The following RTL4 variants were observed in gnomAD, a reference collection of about 807,000 sequenced individuals.
RTL4 encodes retrotransposon Gag-like protein 4.
Under a neutral mutation model 5.3 loss-of-function variants are expected in RTL4, and 4 were observed. The observed-to-expected ratio is 0.75, with a 90% CI of 0.37 to 1.72. The LOEUF is 1.72. RTL4 is among the 40% of genes most tolerant of loss of function. The probability of loss-of-function intolerance (pLI) is 0.04; values close to 1 mark genes in which losing one functional copy is unlikely to be tolerated. For synonymous variants in RTL4, 98 were observed against 87.3 expected, an observed-to-expected ratio of 1.12 and a Z score of -0.68; for missense variants, 260 against 227.1, an observed-to-expected ratio of 1.14 and a Z score of -0.93.
chrX:112,356,645 T>C, the RTL4 span, among the ~76,000 whole-genome samples: 2 of 110,372 alleles, frequency 1.8e-5, no homozygotes, highest in African/African-American at 6.6e-5. Flanking sequence ...TTTTCTAGTC[T>C]ACTGTTTTCT....
At chrX:112,375,508 C>T in the RTL4 span, among the ~76,000 whole-genome samples, 1 of 111,524 alleles carries the variant, frequency 9.0e-6, no homozygotes, top group African/African-American at 3.3e-5. Context: ...TCATTCACTA[C>T]ATTCTCACTT....
At chrX:112,260,165 T>C in the RTL4 span, among the ~76,000 whole-genome samples, 1 of 111,847 alleles carries the variant, frequency 8.9e-6, no homozygotes, top group Non-Finnish European at 1.9e-5. Context: ...ACAATTTATC[T>C]AGGGCTGGTG....
the RTL4 span, among the ~76,000 whole-genome samples, chrX:112,377,185 A>T: frequency 1.8e-5 from 2 of 111,806 alleles, no homozygotes; most frequent in Admixed American, 1.9e-4. Context: ...ACAATGCCCA[A>T]TAGAGGTTCT....
At chrX:112,199,140 T>A in the RTL4 span, among the ~76,000 whole-genome samples, 1 of 109,408 alleles carries the variant, frequency 9.1e-6, no homozygotes, top group African/African-American at 3.3e-5. Context: ...ATAGAAAAAA[T>A]TAGCCAGACG....
At chrX:112,390,435 C>T in the RTL4 span, among the ~76,000 whole-genome samples, 2 of 105,184 alleles carry the variant, frequency 1.9e-5, no homozygotes, top group African/African-American at 3.5e-5. Context: ...CTGGGTGACA[C>T]GGTGAGACTC....
At chrX:112,332,009 G>C in the RTL4 span, among the ~76,000 whole-genome samples, 1 of 106,041 alleles carries the variant, frequency 9.4e-6, no homozygotes, top group Non-Finnish European at 1.9e-5. Context: ...GGTCTGTTGT[G>C]GGGTGGGGGG....
chrX:112,161,836 C>CTTTCTTT, the RTL4 span, among the ~76,000 whole-genome samples: 2,219 of 34,172 alleles, frequency 0.065, 139 homozygotes, highest in Non-Finnish European at 0.083. Context: ...TTCCTTCCTT[C>CTTTCTTT]CTTCCTTCCT....
At chrX:112,122,042 G>T in the RTL4 span, among the ~76,000 whole-genome samples, 1 of 111,263 alleles carries the variant, frequency 9.0e-6, no homozygotes, top group African/African-American at 3.3e-5. Flanking sequence ...AAATGCATCC[G>T]TTTGAGACAG....
the RTL4 span, among the ~76,000 whole-genome samples, chrX:112,273,456 G>T: frequency 3.9e-4 from 43 of 110,934 alleles, no homozygotes; most frequent in Non-Finnish European, 7.0e-4. Context: ...GTTTCACCTT[G>T]TTAGCCAGGA....
chrX:112,152,628 G>A, the RTL4 span, among the ~76,000 whole-genome samples: 24 of 112,016 alleles, frequency 2.1e-4, no homozygotes, highest in African/African-American at 7.8e-4. Flanking sequence ...AACACAGCTA[G>A]GTAGTAGTCC....
the RTL4 span, among the ~76,000 whole-genome samples, chrX:112,269,017 G>T: frequency 8.9e-6 from 1 of 111,855 alleles, no homozygotes; most frequent in Non-Finnish European, 1.9e-5. Flanking sequence ...GACATTTCTT[G>T]TCTCTGCACC....
the RTL4 span, among the ~76,000 whole-genome samples, chrX:112,410,293 T>A: frequency 9.0e-6 from 1 of 111,698 alleles, no homozygotes; most frequent in Non-Finnish European, 1.9e-5. Flanking sequence ...TCTGTGGAAT[T>A]CAACAACCCA....
At chrX:112,399,914 A>C in the RTL4 span, among the ~76,000 whole-genome samples, 1 of 111,573 alleles carries the variant, frequency 9.0e-6, no homozygotes, top group Admixed American at 9.5e-5. Flanking sequence ...TCATTTTATA[A>C]TATTAAAAAG....
At chrX:112,234,045 A>C in the RTL4 span, among the ~76,000 whole-genome samples, 1 of 109,852 alleles carries the variant, frequency 9.1e-6, no homozygotes, top group African/African-American at 3.3e-5. Context: ...ACAAAAAATT[A>C]GCCGGGCATG....
chrX:112,134,701 A>G, the RTL4 span, among the ~76,000 whole-genome samples: 1 of 112,231 alleles, frequency 8.9e-6, no homozygotes. Flanking sequence ...AATTTCAGCA[A>G]GCTCCTTTGG....
chrX:112,379,631 T>G, the RTL4 span, among the ~76,000 whole-genome samples: 43 of 112,100 alleles, frequency 3.8e-4, no homozygotes, highest in African/African-American at 1.4e-3. Flanking sequence ...CCACTGAATA[T>G]GATGTCTGCT....
chrX:112,194,874 C>A, the RTL4 span, among the ~76,000 whole-genome samples: 1 of 111,919 alleles, frequency 8.9e-6, no homozygotes, highest in African/African-American at 3.2e-5. Context: ...CTATAAGCCA[C>A]GGGGTGCTGA....
the RTL4 span, among the ~76,000 whole-genome samples, chrX:112,302,690 C>A: frequency 8.9e-6 from 1 of 112,147 alleles, no homozygotes; most frequent in Non-Finnish European, 1.9e-5. Context: ...TCAGTTCATT[C>A]ATTGAACAAA....
the RTL4 span, among the ~76,000 whole-genome samples, chrX:112,182,680 A>G: frequency 1.8e-5 from 2 of 112,295 alleles, no homozygotes; most frequent in Non-Finnish European, 1.9e-5. Context: ...AAAAGACCAA[A>G]CCTACATTTG....
Sources: gnomAD v4.1 joint callset for allele counts (sites outside exome capture counted in the v4.1 genomes callset) on GRCh38, gnomAD v4.1.1 for gene constraint, MANE v1.5 for transcripts, NCBI Gene and HGNC (gene_info 2026-07-23, HGNC 2026-07-21) for gene names.